The following DOCK9 variants were observed in gnomAD, a reference collection of about 807,000 sequenced individuals.
DOCK9 encodes dedicator of cytokinesis protein 9.
In DOCK9, 89 loss-of-function variants were observed where a neutral mutation model predicts 263.3. The observed-to-expected ratio is 0.34, with a 90% confidence interval of 0.28 to 0.40. The LOEUF (loss-of-function observed/expected upper bound fraction) is 0.40, where lower values mean the gene tolerates loss of function less well. Ranked by LOEUF, DOCK9 falls within the 10% of genes least tolerant of loss-of-function variation. The pLI, the probability that DOCK9 is intolerant of heterozygous loss-of-function variation, is 1.00. For missense variants in DOCK9, 2,140 were observed against 2,603.4 expected, an observed-to-expected ratio of 0.82 and a Z score of 3.87; for synonymous variants, 976 against 973.1, an observed-to-expected ratio of 1.00 and a Z score of -0.06.
chr13:98,958,742 A>C (rs1434620424), intron 1 of DOCK9, among the ~76,000 whole-genome samples: 1 of 152,186 alleles, frequency 6.6e-6, no homozygotes, highest in East Asian at 1.9e-4. Flanking sequence ...TTAATTTTCC[A>C]TGTTCAATTA....
At chr13:99,059,753 A>T (rs1366500210) in intron 1 of DOCK9, among the ~76,000 whole-genome samples, 2 of 152,136 alleles carry the variant, frequency 1.3e-5, no homozygotes, top group Non-Finnish European at 2.9e-5. Context: ...TCATGCAATC[A>T]TCATAACAAT....
chr13:99,001,195 A>ATACT (rs1414441253), intron 1 of DOCK9, among the ~76,000 whole-genome samples: 3 of 152,226 alleles, frequency 2.0e-5, no homozygotes, highest in Non-Finnish European at 4.4e-5. Flanking sequence ...TTATTTAAAT[A>ATACT]TACTGCCTTA....
chr13:99,035,289 A>G (rs994289163), intron 1 of DOCK9, among the ~76,000 whole-genome samples: 2 of 152,256 alleles, frequency 1.3e-5, no homozygotes, highest in South Asian at 2.1e-4. Context: ...ATGAATGAAC[A>G]CTATCAGAGA....
chr13:98,909,744 G>A (rs1383818323), intron 9 of DOCK9, among the ~76,000 whole-genome samples: 2 of 152,050 alleles, frequency 1.3e-5, no homozygotes, highest in African/African-American at 2.4e-5. Context: ...TGGAATCTAG[G>A]GAAGAAAGCA....
At chr13:99,053,209 T>C (rs1444973760) in intron 1 of DOCK9, among the ~76,000 whole-genome samples, 1 of 152,214 alleles carries the variant, frequency 6.6e-6, no homozygotes, top group Non-Finnish European at 1.5e-5. Context: ...AAGAATTATG[T>C]CCACAGTAAC....
intron 47 of DOCK9, 102 bp from the exon 48 acceptor site, chr13:98,807,909 C>T: frequency 2.1e-6 from 2 of 968,180 alleles, no homozygotes; most frequent in East Asian, 2.7e-5. Context: ...AGGAATGGGT[C>T]TAAAAATCCT....
At chr13:98,831,613 G>C in intron 40 of DOCK9, 36 bp downstream of exon 40, 1 of 1,606,158 alleles carries the variant, frequency 6.2e-7, no homozygotes. Flanking sequence ...GGGGGAAGAA[G>C]GAAAACATCT....
intron 7 of DOCK9, among the ~76,000 whole-genome samples, chr13:98,916,915 A>G (rs1162142606): frequency 1.3e-5 from 2 of 152,236 alleles, no homozygotes; most frequent in East Asian, 3.8e-4. Context: ...TTTAATTCAC[A>G]GCACCAGTCA....
In DOCK9 at chr13:98,950,461, AATATTTTTTAAAT is replaced by A. The variant is rs1326027782; in HGVS notation, c.243+4961_243+4973del. 174 of 576,788 alleles carry A rather than the reference AATATTTTTTAAAT, an allele frequency of 3.0e-4. 3 individuals carry two copies. The highest frequency in any genetic ancestry group is 2.4e-4 in the Non-Finnish European group (79 of 331,862). The allele number at this position is 576,788 out of a possible 1,614,324, so 35.7% of individuals were successfully genotyped here. On this transcript the variant is annotated intron_variant, in intron 2 of 52. Transcript: ENST00000682017. Reference sequence around the variant, plus strand: ...TTGCTCTGCCATCTTTCTAGTATCTAATATTTTTTAAATTTATTTTTTGTAGAGACGAGGTCTT... The same window carrying A: ...TTGCTCTGCCATCTTTCTAGTATCTATTATTTTTTGTAGAGACGAGGTCTT...
rs575667722 is a variant in DOCK9 at position 98,941,723 on chromosome 13, G to C, written c.244-11466C>G. 4.6e-5 allele frequency among the ~76,000 whole-genome samples: 7 copies of C among 152,246 alleles called. No homozygotes were observed. In the East Asian group the frequency reaches 1.2e-3, roughly 25 times the overall value. On this transcript the variant is annotated intron_variant, in intron 2 of 52. Coordinates refer to ENST00000682017, the MANE Select transcript of DOCK9 (RefSeq NM_001366683.2). ...CGTGGTATGTCTGCCTTCCCATTTA[G>C]TAAGGGATTGAGCCTGCTGAACAAC...
rs547580233 is a variant in DOCK9, at chr13:98,919,496, G to A, written c.717+1458C>T. 3.9e-5 allele frequency among the ~76,000 whole-genome samples: 6 copies of A among 152,334 alleles called. No individual in the cohort carries two copies. The East Asian group carries it at 1.2e-3, about 29-fold the overall frequency. ...AACAAGTATACCTTTAGTCAAACCA[G>A]AGAGCTGTGTCACACTGGCCCCACC... On this transcript the variant is annotated intron_variant, in intron 7 of 52. Coordinates refer to ENST00000682017, the MANE Select transcript of DOCK9 (RefSeq NM_001366683.2).
intron 1 of DOCK9, among the ~76,000 whole-genome samples, chr13:99,026,965 A>C (rs754642198): frequency 5.9e-5 from 9 of 152,020 alleles, no homozygotes; most frequent in Non-Finnish European, 1.3e-4. Flanking sequence ...TTCCTGCTAT[A>C]TTCCAAATAC....
Position 98,903,037 on chromosome 13 carries a change from A to T in DOCK9, c.1111T>A (p.Cys371Ser), listed in dbSNP as rs1330289845. 1.3e-6 allele frequency: 2 copies of T among 1,543,332 alleles called. No individual in the cohort carries two copies. The highest frequency in any genetic ancestry group is 2.8e-5 in the African/African-American group (2 of 72,490). Residue 371 changes from cysteine to serine, a missense_variant, in exon 11 of 53, where the codon TGC (cysteine) becomes AGC (serine). By Grantham distance (112) the Cys-to-Ser change is moderately radical. Around this residue, in one of 2 missense-constraint regions of DOCK9, gnomAD observed 1,521 missense variants for 1,741.7 expected, o/e 0.87. Coordinates refer to ENST00000682017, the MANE Select transcript of DOCK9 (RefSeq NM_001366683.2). ...TGCAAATTGAAAGATAAATCATTGC[A>T]CTTGACAAGGATCCTTTTTCCAAAC... The part of the protein sequence containing the change: ...EKFGKRILVK[C>S]NDLSFNLQCC...
chr13:98,878,963 A>G (rs2044300046), intron 27 of DOCK9, among the ~76,000 whole-genome samples: 2 of 152,240 alleles, frequency 1.3e-5, no homozygotes, highest in South Asian at 4.2e-4. Flanking sequence ...ATTGTGAGAC[A>G]GGACCCAGCA....
At chr13:99,001,063 T>C (rs895384230) in intron 1 of DOCK9, among the ~76,000 whole-genome samples, 1 of 152,214 alleles carries the variant, frequency 6.6e-6, no homozygotes, top group Non-Finnish European at 1.5e-5. Context: ...CGTCAGCACT[T>C]ACCTCTCAGC....
intron 32 of DOCK9, among the ~76,000 whole-genome samples, chr13:98,862,506 G>A (rs2093902834): frequency 6.6e-6 from 1 of 152,084 alleles, no homozygotes; most frequent in South Asian, 2.1e-4. Context: ...GGCCAACATG[G>A]TGAAACCCTG....
At chr13:99,005,772 A>G (rs1420425028) in intron 1 of DOCK9, among the ~76,000 whole-genome samples, 1 of 152,220 alleles carries the variant, frequency 6.6e-6, no homozygotes, top group Admixed American at 6.5e-5. Context: ...GCTGACTTAA[A>G]TAAGTGTCTG....
intron 45 of DOCK9, among the ~76,000 whole-genome samples, chr13:98,816,935 C>T (rs759715914): frequency 3.9e-5 from 6 of 151,966 alleles, no homozygotes; most frequent in Admixed American, 2.0e-4. Context: ...CTGGCACACT[C>T]GGAGCTTCCT....
At chr13:98,970,659 G>C (rs2059646141) in intron 1 of DOCK9, among the ~76,000 whole-genome samples, 1 of 152,114 alleles carries the variant, frequency 6.6e-6, no homozygotes. Context: ...GTCAGGAAAG[G>C]GAACGCTGAA....
Sources: gnomAD v4.1 joint callset for allele counts (sites outside exome capture counted in the v4.1 genomes callset) on GRCh38, gnomAD v4.1.1 for gene constraint, gnomAD v4.1.1 regional missense constraint, MANE v1.5 for transcripts, NCBI Gene and HGNC (gene_info 2026-07-23, HGNC 2026-07-21) for gene names.